Variants in NR6A1 observed in about 807,000 individuals in gnomAD.
The protein encoded by NR6A1 is retinoic acid receptor-related testis-associated receptor.
NR6A1 carries 7 observed loss-of-function variants against 59.1 expected under a neutral mutation model. The ratio of observed to expected loss-of-function variants is 0.12; its 90% CI spans 0.07 to 0.22. The LOEUF (loss-of-function observed/expected upper bound fraction) is 0.22, where lower values mean the gene tolerates loss of function less well. Ranked by LOEUF, NR6A1 falls within the 10% of genes least tolerant of loss-of-function variation. The probability of loss-of-function intolerance (pLI) is 1.00; values close to 1 mark genes in which losing one functional copy is unlikely to be tolerated. For synonymous variants in NR6A1, 243 were observed against 236.1 expected (o/e 1.03, Z -0.27); for missense variants, 468 against 611.6 (o/e 0.77, Z 2.48).
intron 2 of NR6A1, among the ~76,000 whole-genome samples, chr9:124,556,881 C>G (rs920355497): frequency 7.3e-6 from 1 of 136,102 alleles, no homozygotes; most frequent in African/African-American, 2.7e-5. Context: ...TTTTTTTTTT[C>G]GCAAACAGGG....
chr9:124,634,332 T>C lies in NR6A1; in HGVS notation c.143-79762A>G, dbSNP rs545818243. On this transcript the variant is annotated intron_variant, in intron 2 of 9. Transcript: ENST00000487099. ...GAAACTATATGTGATTTAAGAAATG[T>C]TTTCTTTTAAATTTTTATTTTTCCA... Among the ~76,000 whole-genome samples the C allele has an allele frequency of 2.5e-4, 38 of 152,312 alleles. 1 individual carries two copies. Among genetic ancestry groups the C allele is most frequent in the Admixed American group, 1.7e-3 (26 of 15,294 alleles).
chr9:124,543,702 T>C, intron 4 of NR6A1, 100 bp downstream of exon 4: 1 of 813,102 alleles, frequency 1.2e-6, no homozygotes, highest in Non-Finnish European at 1.9e-6. Context: ...AAGATGGCTC[T>C]CCTCAGCAGC....
At chr9:124,769,488 C>A (rs1841046114) in intron 1 of NR6A1, among the ~76,000 whole-genome samples, 1 of 152,208 alleles carries the variant, frequency 6.6e-6, no homozygotes, top group Non-Finnish European at 1.5e-5. Flanking sequence ...CCTAACTGAC[C>A]TATTTTCAGG....
intron 2 of NR6A1, among the ~76,000 whole-genome samples, chr9:124,699,367 A>G (rs1275195113): frequency 6.6e-6 from 1 of 152,198 alleles, no homozygotes; most frequent in African/African-American, 2.4e-5. Flanking sequence ...ATCAGACTGG[A>G]TGGGAAATAT....
At chr9:124,589,209 G>A (rs1835031616) in intron 2 of NR6A1, among the ~76,000 whole-genome samples, 1 of 152,206 alleles carries the variant, frequency 6.6e-6, no homozygotes, top group Non-Finnish European at 1.5e-5. Context: ...CACTTTGGGT[G>A]GCTGAGGCGG....
chr9:124,563,228 T>C (rs1834129783), intron 2 of NR6A1, among the ~76,000 whole-genome samples: 1 of 152,088 alleles, frequency 6.6e-6, no homozygotes, highest in African/African-American at 2.4e-5. Context: ...AAAAATGAAA[T>C]GAAAAATATC....
chr9:124,595,104 G>C (rs1489467739), intron 2 of NR6A1, among the ~76,000 whole-genome samples: 1 of 152,126 alleles, frequency 6.6e-6, no homozygotes, highest in Non-Finnish European at 1.5e-5. Context: ...TAAAGTTGTG[G>C]AAAAGTGGGG....
At chr9:124,594,380 T>A (rs931155448) in intron 2 of NR6A1, among the ~76,000 whole-genome samples, 1 of 152,180 alleles carries the variant, frequency 6.6e-6, no homozygotes, top group African/African-American at 2.4e-5. Flanking sequence ...GCTAGCAGAC[T>A]ACATATCACT....
chr9:124,697,230 T>C (rs545574087), intron 2 of NR6A1, among the ~76,000 whole-genome samples: 2 of 152,288 alleles, frequency 1.3e-5, no homozygotes, highest in African/African-American at 4.8e-5. Flanking sequence ...ATGATCTAAG[T>C]GCAGAAAGAA....
At chr9:124,674,896 A>G (rs1564230909) in intron 2 of NR6A1, among the ~76,000 whole-genome samples, 1 of 152,250 alleles carries the variant, frequency 6.6e-6, no homozygotes, top group African/African-American at 2.4e-5. Context: ...GGAGTCCTAC[A>G]TTCCAGAGAG....
intron 2 of NR6A1, among the ~76,000 whole-genome samples, chr9:124,610,790 T>C (rs1333397039): frequency 1.3e-5 from 2 of 152,344 alleles, no homozygotes; most frequent in African/African-American, 2.4e-5. Context: ...TCATTATCGG[T>C]CTATTCAGGG....
At chr9:124,646,890 C>T (rs1414727633) in intron 2 of NR6A1, among the ~76,000 whole-genome samples, 2 of 152,138 alleles carry the variant, frequency 1.3e-5, no homozygotes, top group African/African-American at 4.8e-5. Flanking sequence ...TAATAACTTA[C>T]CAAAACAAAA....
intron 2 of NR6A1, among the ~76,000 whole-genome samples, chr9:124,593,382 A>C (rs1209541779): frequency 1.3e-5 from 2 of 152,142 alleles, no homozygotes; most frequent in African/African-American, 2.4e-5. Flanking sequence ...CAACAGGGTA[A>C]AGCAAACATT....
intron 4 of NR6A1, among the ~76,000 whole-genome samples, chr9:124,541,878 G>A (rs1056178002): frequency 2.6e-5 from 4 of 152,202 alleles, no homozygotes; most frequent in African/African-American, 7.2e-5. Flanking sequence ...TACCAAGGGG[G>A]AACCATGATG....
intron 2 of NR6A1, among the ~76,000 whole-genome samples, chr9:124,643,544 G>T (rs551908955): frequency 6.6e-6 from 1 of 151,100 alleles, no homozygotes; most frequent in Non-Finnish European, 1.5e-5. Flanking sequence ...AGGGAGCAGT[G>T]AGCCAAGATT....
intron 2 of NR6A1, among the ~76,000 whole-genome samples, chr9:124,713,267 G>C (rs1839328718): frequency 6.6e-6 from 1 of 150,932 alleles, no homozygotes; most frequent in Non-Finnish European, 1.5e-5. Flanking sequence ...ATCGATCAAA[G>C]ACTTAAACAT....
At chr9:124,625,640 A>C (rs968625563) in intron 2 of NR6A1, among the ~76,000 whole-genome samples, 1 of 152,130 alleles carries the variant, frequency 6.6e-6, no homozygotes, top group African/African-American at 2.4e-5. Context: ...AGAGTGTGAT[A>C]GTTATTTTTA....
At chr9:124,768,228 G>A (rs1461889479) in intron 1 of NR6A1, among the ~76,000 whole-genome samples, 1 of 152,168 alleles carries the variant, frequency 6.6e-6, no homozygotes, top group East Asian at 1.9e-4. Flanking sequence ...CCCCCTATCT[G>A]TATAGTTGTC....
chr9:124,603,666 G>A (rs750007863), intron 2 of NR6A1, among the ~76,000 whole-genome samples: 3 of 152,144 alleles, frequency 2.0e-5, no homozygotes, highest in Non-Finnish European at 4.4e-5. Context: ...ACCAAGGACT[G>A]TGCCCCATAT....
Sources: gnomAD v4.1 joint callset for allele counts (sites outside exome capture counted in the v4.1 genomes callset) on GRCh38, gnomAD v4.1.1 for gene constraint, MANE v1.5 for transcripts, NCBI Gene and HGNC (gene_info 2026-07-23, HGNC 2026-07-21) for gene names.